Variants in KIAA1958 observed in about 807,000 individuals in gnomAD.
KIAA1958 encodes uncharacterized protein KIAA1958.
KIAA1958 carries 14 observed loss-of-function variants against 47.2 expected under a neutral mutation model. The ratio of observed to expected loss-of-function variants is 0.30; its 90% CI spans 0.20 to 0.46. The LOEUF is 0.46. Ranked by LOEUF, KIAA1958 falls within the 20% of genes least tolerant of loss-of-function variation. The pLI is 1.00. For synonymous variants in KIAA1958, 354 were observed against 353.3 expected, an observed-to-expected ratio of 1.00 and a Z score of -0.02; for missense variants, 803 against 909.2, an observed-to-expected ratio of 0.88 and a Z score of 1.50.
intron 2 of KIAA1958, among the ~76,000 whole-genome samples, chr9:112,639,059 G>A (rs1836854534): frequency 6.6e-6 from 1 of 152,128 alleles, no homozygotes; most frequent in Admixed American, 6.5e-5. Flanking sequence ...GATTTCCTGT[G>A]ATTTTTCTAC....
chr9:112,595,866 AC>A (rs998992728), intron 2 of KIAA1958, among the ~76,000 whole-genome samples: 18 of 151,614 alleles, frequency 1.2e-4, no homozygotes, highest in African/African-American at 4.4e-4. Flanking sequence ...GCTCACCGCA[AC>A]GTCCGCCTCC....
At chr9:112,534,241 G>A (rs111559093) in intron 1 of KIAA1958, among the ~76,000 whole-genome samples, 11 of 152,176 alleles carry the variant, frequency 7.2e-5, no homozygotes, top group South Asian at 2.1e-4. Flanking sequence ...ATATCCATGC[G>A]TATATCTTGT....
In KIAA1958 at chr9:112,662,109, T is replaced by A. The variant is rs1837286381; in HGVS notation, c.*2040T>A. On this transcript the variant is annotated 3_prime_UTR_variant, in exon 4 of 4. Transcript: ENST00000337530. The stretch of plus-strand genomic sequence containing the variant: ...GCAATAACTACTCCAGAGGTTGTAA[T>A]CTTTCTGTTGGTAGTGGCTTTTCAT... 1 of 152,244 alleles carries A rather than the reference T, an allele frequency of 6.6e-6. No individual in the cohort carries two copies. Among genetic ancestry groups the A allele is most frequent in the Non-Finnish European group, 1.5e-5 (1 of 68,044 alleles). The allele number at this position is 152,244 out of a possible 1,614,324, so 9.4% of individuals were successfully genotyped here. A position where few individuals can be genotyped will look rare whatever the true frequency, so the allele number is the denominator to read the frequency against.
At chr9:112,553,741 A>C (rs1328680802) in intron 1 of KIAA1958, among the ~76,000 whole-genome samples, 1 of 152,208 alleles carries the variant, frequency 6.6e-6, no homozygotes, top group Non-Finnish European at 1.5e-5. Context: ...TAATGACGTC[A>C]CTTATCACAC....
chr9:112,551,540 C>A (rs1835151470), intron 1 of KIAA1958, among the ~76,000 whole-genome samples: 1 of 152,142 alleles, frequency 6.6e-6, no homozygotes, highest in Non-Finnish European at 1.5e-5. Flanking sequence ...ATCTTATATT[C>A]AACAAAAGTT....
At chr9:112,585,903 G>C (rs997324259) in intron 2 of KIAA1958, among the ~76,000 whole-genome samples, 4 of 152,262 alleles carry the variant, frequency 2.6e-5, no homozygotes, top group African/African-American at 9.6e-5. Flanking sequence ...GAGTTTTGAA[G>C]CATGTAATGA....
intron 1 of KIAA1958, among the ~76,000 whole-genome samples, chr9:112,554,617 C>T (rs1212370369): frequency 1.3e-5 from 2 of 152,166 alleles, no homozygotes; most frequent in Non-Finnish European, 2.9e-5. Context: ...CTCAAATGCA[C>T]ATTCTTATAT....
chr9:112,546,956 A>T (rs538668012), intron 1 of KIAA1958, among the ~76,000 whole-genome samples: 35 of 151,864 alleles, frequency 2.3e-4, no homozygotes, highest in East Asian at 7.9e-4. Flanking sequence ...ATATATATAT[A>T]TTTTTTGAGA....
At chr9:112,583,767 A>G (rs1055091043) in intron 2 of KIAA1958, among the ~76,000 whole-genome samples, 5 of 152,198 alleles carry the variant, frequency 3.3e-5, no homozygotes, top group Non-Finnish European at 7.3e-5. Context: ...ACACAGACAC[A>G]CACACTTAAT....
intron 2 of KIAA1958, among the ~76,000 whole-genome samples, chr9:112,580,291 T>G (rs1408544271): frequency 6.6e-6 from 1 of 151,992 alleles, no homozygotes; most frequent in Non-Finnish European, 1.5e-5. Context: ...GAGCATTTAG[T>G]TTTTTTTATG....
intron 1 of KIAA1958, among the ~76,000 whole-genome samples, chr9:112,519,010 G>A (rs1834489876): frequency 1.3e-5 from 2 of 152,096 alleles, no homozygotes; most frequent in African/African-American, 4.8e-5. Context: ...GCTCAGTGCG[G>A]CCTTGAACTC....
intron 1 of KIAA1958, among the ~76,000 whole-genome samples, chr9:112,573,210 A>G (rs1232677956): frequency 6.6e-6 from 1 of 152,074 alleles, no homozygotes; most frequent in East Asian, 1.9e-4. Context: ...ATTTGCTTCT[A>G]TTTGATAGTT....
chr9:112,538,366 AAG>A (rs1834889913), intron 1 of KIAA1958, among the ~76,000 whole-genome samples: 1 of 152,102 alleles, frequency 6.6e-6, no homozygotes, highest in Admixed American at 6.5e-5. Context: ...AAAAGAAAGA[AAG>A]AAAAAAAAGA....
intron 1 of KIAA1958, among the ~76,000 whole-genome samples, chr9:112,573,280 C>A (rs1335972280): frequency 6.6e-6 from 1 of 152,140 alleles, no homozygotes; most frequent in Non-Finnish European, 1.5e-5. Flanking sequence ...TACTTTGTAA[C>A]CTCTAATGGT....
chr9:112,594,536 T>G (rs1835983289), intron 2 of KIAA1958, among the ~76,000 whole-genome samples: 1 of 152,220 alleles, frequency 6.6e-6, no homozygotes, highest in Non-Finnish European at 1.5e-5. Flanking sequence ...GATATACCTG[T>G]GTTATAGTAT....
intron 3 of KIAA1958, among the ~76,000 whole-genome samples, chr9:112,653,290 C>T (rs907559402): frequency 6.6e-6 from 1 of 152,082 alleles, no homozygotes; most frequent in African/African-American, 2.4e-5. Context: ...TTCGATGAAG[C>T]TGGAAAATAG....
At chr9:112,489,232 A>C (rs934415066) in intron 1 of KIAA1958, among the ~76,000 whole-genome samples, 1 of 152,220 alleles carries the variant, frequency 6.6e-6, no homozygotes, top group African/African-American at 2.4e-5. Context: ...ACTCTTCCTT[A>C]GCTCTTTAAA....
chr9:112,642,161 A>G (rs945610008), intron 2 of KIAA1958, among the ~76,000 whole-genome samples: 2 of 152,212 alleles, frequency 1.3e-5, no homozygotes, highest in Admixed American at 6.5e-5. Flanking sequence ...GTCTGATAAC[A>G]CTTGGATTGA....
rs1362498375 is a variant in KIAA1958 at position 112,580,774 on chromosome 9, G to A, written c.1171+5523G>A. 2.4e-5 allele frequency among the ~76,000 whole-genome samples: 3 copies of A among 123,556 alleles called. No homozygotes were observed. The Admixed American group carries it at 2.6e-4, about 11-fold the overall frequency. 81.1% of individuals were successfully genotyped at this position (123,556 alleles called of 152,430 possible). Reference sequence around the variant, plus strand: ...TGCACTCCAGCCTGGGCTCCAGAGCGAGACTCCATCTCAAAAAAAAAAAAC... The same window carrying A: ...TGCACTCCAGCCTGGGCTCCAGAGCAAGACTCCATCTCAAAAAAAAAAAAC... On this transcript the variant is annotated intron_variant, in intron 2 of 3. Coordinates refer to ENST00000337530, the MANE Select transcript of KIAA1958 (RefSeq NM_133465.4).
Sources: gnomAD v4.1 joint callset for allele counts (sites outside exome capture counted in the v4.1 genomes callset) on GRCh38, gnomAD v4.1.1 for gene constraint, MANE v1.5 for transcripts, NCBI Gene and HGNC (gene_info 2026-07-23, HGNC 2026-07-21) for gene names.